The following INSYN2A variants were observed in gnomAD, a reference collection of about 807,000 sequenced individuals.
INSYN2A encodes the protein inhibitory synaptic factor 2A.
A neutral mutation model predicts 39.4 loss-of-function variants in INSYN2A; 17 were observed. The ratio of observed to expected loss-of-function variants is 0.43; its 90% confidence interval spans 0.30 to 0.65. The LOEUF is 0.65. INSYN2A is among the 30% of genes least tolerant of loss of function. The pLI is 0.14. For synonymous variants in INSYN2A, 255 were observed against 265.7 expected, an observed-to-expected ratio of 0.96 and a Z score of 0.39; for missense variants, 595 against 631.2, an observed-to-expected ratio of 0.94 and a Z score of 0.61.
At chr10:127,152,506 G>A (rs1288507565) in intron 5 of INSYN2A, among the ~76,000 whole-genome samples, 3 of 152,188 alleles carry the variant, frequency 2.0e-5, no homozygotes, top group African/African-American at 7.2e-5. Context: ...GGCCTTACCA[G>A]CTTGTGTGTG....
At chr10:127,168,365 T>C (rs556976656) in intron 4 of INSYN2A, among the ~76,000 whole-genome samples, 3 of 152,048 alleles carry the variant, frequency 2.0e-5, no homozygotes, top group Non-Finnish European at 4.4e-5. Flanking sequence ...AAATAGGGAG[T>C]GCTAAGGCAC....
chr10:127,195,054 C>A (rs1208329981), intron 1 of INSYN2A, among the ~76,000 whole-genome samples: 1 of 152,204 alleles, frequency 6.6e-6, no homozygotes, highest in East Asian at 1.9e-4. Context: ...AGGCACCTCT[C>A]CTCCCCCACT....
intron 5 of INSYN2A, among the ~76,000 whole-genome samples, chr10:127,139,610 C>T (rs568947239): frequency 2.0e-5 from 3 of 152,286 alleles, no homozygotes; most frequent in East Asian, 3.9e-4. Flanking sequence ...CAGTCTAAGG[C>T]TGTGCTGCAT....
At position 127,136,160 on chromosome 10, in the gene INSYN2A, G is replaced by A. The variant is rs147551217; in HGVS notation, c.*1677C>T. The A allele has an allele frequency of 5.4e-3, 817 of 151,696 alleles. 4 individuals carry two copies. The highest frequency in any genetic ancestry group is 6.9e-3 in the African/African-American group (284 of 41,378). 9.4% of individuals were successfully genotyped at this position (151,696 alleles called of 1,614,324 possible). A position where few individuals can be genotyped will look rare whatever the true frequency, so the allele number is the denominator to read the frequency against. On this transcript the variant is annotated 3_prime_UTR_variant, in exon 6 of 6. Transcript: ENST00000522781. ...ACAACTGCAGTGTTGTTTGGCCCCCGAAGAATGTTTACACGACATACTCTT... is the reference window on the plus strand; with the variant it reads ...ACAACTGCAGTGTTGTTTGGCCCCCAAAGAATGTTTACACGACATACTCTT...
intron 5 of INSYN2A, among the ~76,000 whole-genome samples, chr10:127,142,374 CAGGTGGTGCTGCTGCCCTCCTGCTGG>C (rs1259276448): frequency 3.9e-5 from 6 of 152,178 alleles, no homozygotes; most frequent in Non-Finnish European, 5.9e-5. Context: ...CAGGAGGCTG[CAGGTGGTGCTGCTGCCCTCCTGCTGG>C]AGGGATCTGG....
chr10:127,190,393 C>A (rs1010196108), intron 2 of INSYN2A, among the ~76,000 whole-genome samples: 1 of 152,156 alleles, frequency 6.6e-6, no homozygotes, highest in Non-Finnish European at 1.5e-5. Context: ...GAAAACAATT[C>A]TTTCCCAATC....
At chr10:127,140,244 C>A (rs557563578) in intron 5 of INSYN2A, among the ~76,000 whole-genome samples, 1 of 152,178 alleles carries the variant, frequency 6.6e-6, no homozygotes, top group Admixed American at 6.5e-5. Context: ...CACCAAGGAA[C>A]CATGTAATCA....
At position 127,149,259 on chromosome 10, in the gene INSYN2A, CA is replaced by C. The variant is rs532014157; in HGVS notation, c.1256+4592del. Reference sequence around the variant, plus strand: ...CTGGAGACTGAACAGACACCCCACCCAAGAGAGAGGGCAGAGAAGCTCAGCC... The same window carrying C: ...CTGGAGACTGAACAGACACCCCACCCAGAGAGAGGGCAGAGAAGCTCAGCC... On this transcript the variant is annotated intron_variant, in intron 5 of 5. Transcript: ENST00000522781. Among the ~76,000 whole-genome samples the C allele has an allele frequency of 1.7e-3, 266 of 152,214 alleles. 2 individuals are homozygous for C. Among genetic ancestry groups the C allele is most frequent in the Non-Finnish European group, 3.3e-3 (226 of 68,016 alleles).
At chr10:127,186,506 CG>C (rs1203559400) in intron 2 of INSYN2A, among the ~76,000 whole-genome samples, 5,841 of 18,884 alleles carry the variant, frequency 0.31, 1,818 homozygotes, top group Non-Finnish European at 0.53. Flanking sequence ...TGGGAGAAAC[CG>C]CCCCCCCGCC....
rs1031578364 is a variant in INSYN2A at position 127,135,539 on chromosome 10, G to A, written c.*2298C>T. Reference sequence around the variant, plus strand: ...ACATCTACATAAGGGAACCCTGTGCGTTTTACCTTGCTTTTGTATCAGCGT... The same window carrying A: ...ACATCTACATAAGGGAACCCTGTGCATTTTACCTTGCTTTTGTATCAGCGT... On this transcript the variant is annotated 3_prime_UTR_variant, in exon 6 of 6. Coordinates refer to ENST00000522781, the MANE Select transcript of INSYN2A (RefSeq NM_001039762.3). 4 of 152,572 alleles carry A rather than the reference G, an allele frequency of 2.6e-5. No homozygotes were observed. Among genetic ancestry groups the A allele is most frequent in the Admixed American group, 1.3e-4 (2 of 15,278 alleles). 9.5% of individuals were successfully genotyped at this position (152,572 alleles called of 1,614,324 possible). A position where few individuals can be genotyped will look rare whatever the true frequency, so the allele number is the denominator to read the frequency against.
chr10:127,166,004 G>C (rs1406441912), intron 4 of INSYN2A, among the ~76,000 whole-genome samples: 1 of 152,138 alleles, frequency 6.6e-6, no homozygotes, highest in Non-Finnish European at 1.5e-5. Flanking sequence ...AAGTAAAAGG[G>C]AAAATCCAGA....
At position 127,135,792 on chromosome 10, in the gene INSYN2A, T is replaced by C. The variant is rs958601077; in HGVS notation, c.*2045A>G. 4 of 152,656 alleles carry C rather than the reference T, an allele frequency of 2.6e-5. No individual in the cohort carries two copies. The highest frequency in any genetic ancestry group is 9.6e-5 in the African/African-American group (4 of 41,456). 9.5% of individuals were successfully genotyped at this position (152,656 alleles called of 1,614,324 possible). ...TGACATTATTTTGTGTACTAGGATGTCCTCTTGTTTAGACAGATTTGTGTT... is the reference window on the plus strand; with the variant it reads ...TGACATTATTTTGTGTACTAGGATGCCCTCTTGTTTAGACAGATTTGTGTT... On this transcript the variant is annotated 3_prime_UTR_variant, in exon 6 of 6. Transcript: ENST00000522781.
At chr10:127,178,289 GAAC>G in intron 2 of INSYN2A, among the ~76,000 whole-genome samples, 1 of 152,322 alleles carries the variant, frequency 6.6e-6, no homozygotes, top group East Asian at 1.9e-4. Context: ...TCATGTGTAA[GAAC>G]AACAAAAAAC....
Position 127,175,922 on chromosome 10 carries a change from C to G in INSYN2A, c.474G>C (p.Glu158Asp). The change falls in exon 4 of 6, where the codon GAG (glutamate) becomes GAC (aspartate). Residue 158 changes from glutamate (E) to aspartate (D), a missense_variant. This residue lies in a region of INSYN2A where 478 missense variants were observed against 467.4 expected (regional missense o/e 1.02). Transcript: ENST00000522781. The surrounding 1 kb of genome is among the most constrained non-coding windows in gnomAD (Gnocchi z 6.3). The part of the protein sequence containing the change: ...KEKNEAGPME[E>D]ARPCGAGRVH... ...CCCGCCCCGCGCCACATGGCCGGGC[C>G]TCCTCCATGGGTCCAGCCTCGTTCT... 6.2e-7 allele frequency: 1 copy of G among 1,614,204 alleles called. No homozygotes were observed. The highest frequency in any genetic ancestry group is 1.7e-5 in the Admixed American group (1 of 60,026).
intron 4 of INSYN2A, among the ~76,000 whole-genome samples, chr10:127,154,421 T>C (rs1057230792): frequency 6.6e-6 from 1 of 152,174 alleles, no homozygotes; most frequent in South Asian, 2.1e-4. Flanking sequence ...TGAAAAAAAA[T>C]TGAAAGCATA....
intron 4 of INSYN2A, among the ~76,000 whole-genome samples, chr10:127,162,792 T>C (rs908238394): frequency 2.0e-5 from 3 of 152,226 alleles, no homozygotes; most frequent in African/African-American, 7.2e-5. Flanking sequence ...TCCCAGTTCA[T>C]CTGGGGCTTG....
intron 4 of INSYN2A, among the ~76,000 whole-genome samples, chr10:127,170,948 C>T (rs1190310692): frequency 6.6e-6 from 1 of 152,184 alleles, no homozygotes; most frequent in Admixed American, 6.5e-5. Context: ...GACTAAAAGG[C>T]GTGATTTTGC....
intron 5 of INSYN2A, among the ~76,000 whole-genome samples, chr10:127,142,431 G>A (rs2051354513): frequency 6.6e-6 from 1 of 152,152 alleles, no homozygotes; most frequent in Non-Finnish European, 1.5e-5. Flanking sequence ...GCATGGGCAG[G>A]GGAGTGTCCA....
chr10:127,166,743 T>A (rs1322934109), intron 4 of INSYN2A, among the ~76,000 whole-genome samples: 2 of 152,246 alleles, frequency 1.3e-5, no homozygotes, highest in Non-Finnish European at 2.9e-5. Context: ...ATGGAGTTTT[T>A]AAAATTATTT....
Sources: gnomAD v4.1 joint callset for allele counts (sites outside exome capture counted in the v4.1 genomes callset) on GRCh38, gnomAD v4.1.1 for gene constraint, gnomAD v4.1.1 regional missense constraint, Gnocchi (gnomAD v3.1) non-coding constraint, MANE v1.5 for transcripts, NCBI Gene and HGNC (gene_info 2026-07-23, HGNC 2026-07-21) for gene names.